PROX1: variants seen among roughly 807,000 people sequenced by gnomAD.
The protein encoded by PROX1 is prospero homeobox protein 1.
In PROX1, 7 loss-of-function variants were observed where a neutral mutation model predicts 58.8. The observed-to-expected ratio is 0.12, with a 90% CI of 0.07 to 0.22. PROX1 has a LOEUF of 0.22. PROX1 is among the 10% of genes least tolerant of loss of function. The probability of loss-of-function intolerance (pLI) is 1.00; values close to 1 mark genes in which losing one functional copy is unlikely to be tolerated. For synonymous variants in PROX1, 350 were observed against 358.3 expected (o/e 0.98, Z 0.26); for missense variants, 675 against 927.8 (o/e 0.73, Z 3.54).
At position 214,039,089 on chromosome 1, in the gene PROX1, C is replaced by A. The variant is rs1325179472; in HGVS notation, c.*3255C>A. 6.6e-6 allele frequency: 1 copy of A among 152,142 alleles called. No individual in the cohort carries two copies. Among genetic ancestry groups the A allele is most frequent in the Admixed American group, 6.5e-5 (1 of 15,272 alleles). The allele number at this position is 152,142 out of a possible 1,614,324, so 9.4% of individuals were successfully genotyped here. A position where few individuals can be genotyped will look rare whatever the true frequency, so the allele number is the denominator to read the frequency against. On this transcript the variant is annotated 3_prime_UTR_variant, in exon 5 of 5. Transcript: ENST00000366958. ...ACATAAAATCACATACACACATATA[C>A]ACACATGTAAAAATATACATATATA...
At chr1:214,004,014 C>CT (rs1447961629) in intron 2 of PROX1, among the ~76,000 whole-genome samples, 17 of 151,872 alleles carry the variant, frequency 1.1e-4, no homozygotes, top group Non-Finnish European at 2.4e-4. Context: ...ACTTTCTTTT[C>CT]TTTTTTTTCT....
rs1473127288 is a variant in PROX1, at chr1:214,039,000, A to C, written c.*3166A>C. On this transcript the variant is annotated 3_prime_UTR_variant, in exon 5 of 5. Transcript: ENST00000366958. ...GCAAATCTTGTGTTTTCTTAGCCTA[A>C]TGAAAAGTAGTATAGAAGCAATATT... 2 of 152,192 alleles carry C rather than the reference A, an allele frequency of 1.3e-5. No homozygotes were observed. The highest frequency in any genetic ancestry group is 6.5e-5 in the Admixed American group (1 of 15,282). The allele number at this position is 152,192 out of a possible 1,614,324, so 9.4% of individuals were successfully genotyped here.
In PROX1 at chr1:214,039,087, T is replaced by C. The variant is rs1228209261; in HGVS notation, c.*3253T>C. On this transcript the variant is annotated 3_prime_UTR_variant, in exon 5 of 5. Transcript: ENST00000366958. ...GAACATAAAATCACATACACACATA[T>C]ACACACATGTAAAAATATACATATA... 2 of 152,210 alleles carry C rather than the reference T, an allele frequency of 1.3e-5. No individual in the cohort carries two copies. The highest frequency in any genetic ancestry group is 2.9e-5 in the Non-Finnish European group (2 of 68,030). The allele number at this position is 152,210 out of a possible 1,614,324, so 9.4% of individuals were successfully genotyped here. A position where few individuals can be genotyped will look rare whatever the true frequency, so the allele number is the denominator to read the frequency against.
At chr1:214,033,789 A>G (rs1664741618) in intron 4 of PROX1, among the ~76,000 whole-genome samples, 1 of 152,078 alleles carries the variant, frequency 6.6e-6, no homozygotes, top group Non-Finnish European at 1.5e-5. Flanking sequence ...GCTAGAAAAG[A>G]TTGCTTCACG....
intron 3 of PROX1, among the ~76,000 whole-genome samples, chr1:214,008,308 G>T (rs1271236922): frequency 6.6e-6 from 1 of 151,978 alleles, no homozygotes; most frequent in African/African-American, 2.4e-5. Context: ...GCCTGCCTTG[G>T]CGTCCCAAAG....
At chr1:214,006,059 T>C (rs187931219) in intron 3 of PROX1, among the ~76,000 whole-genome samples, 266 of 152,222 alleles carry the variant, frequency 1.7e-3, no homozygotes, top group African/African-American at 6.2e-3. Flanking sequence ...AGATTGGGTT[T>C]TGATGATGAT....
intron 4 of PROX1, among the ~76,000 whole-genome samples, chr1:214,014,293 AAAATGAACCTAT>A (rs1306250063): frequency 3.3e-5 from 5 of 152,246 alleles, no homozygotes; most frequent in Non-Finnish European, 5.9e-5. Context: ...AAGGTCAAGT[AAAATGAACCTAT>A]AGTTTAAGTA....
At chr1:214,018,267 A>C (rs947463944) in intron 4 of PROX1, among the ~76,000 whole-genome samples, 1 of 152,228 alleles carries the variant, frequency 6.6e-6, no homozygotes, top group South Asian at 2.1e-4. Flanking sequence ...TTTAATGACT[A>C]TTCACTCACT....
intron 4 of PROX1, among the ~76,000 whole-genome samples, chr1:214,014,514 G>A (rs959356952): frequency 2.0e-5 from 3 of 152,168 alleles, no homozygotes; most frequent in African/African-American, 4.8e-5. Flanking sequence ...TCAATCAATT[G>A]TTGGGAACAA....
intron 4 of PROX1, among the ~76,000 whole-genome samples, chr1:214,032,959 C>A (rs2102781951): frequency 6.6e-6 from 1 of 152,262 alleles, no homozygotes; most frequent in Non-Finnish European, 1.5e-5. Context: ...TGCATACAAC[C>A]CCCAAAGAAG....
intron 4 of PROX1, among the ~76,000 whole-genome samples, chr1:214,028,343 A>G (rs1227168691): frequency 6.6e-6 from 1 of 152,160 alleles, no homozygotes; most frequent in Non-Finnish European, 1.5e-5. Flanking sequence ...AATACACAAA[A>G]CCTAATCTCT....
In PROX1 at chr1:214,039,964, A is replaced by T. The variant is rs1664960020; in HGVS notation, c.*4130A>T. ...TGAAAGAAGCAGTGTATATGTGAAG[A>T]CAGTGCAAAAATCTCTTTGCCATGT... is the stretch of plus-strand genomic sequence containing the variant. On this transcript the variant is annotated 3_prime_UTR_variant, in exon 5 of 5. Transcript: ENST00000366958. 6.6e-6 allele frequency: 1 copy of T among 152,234 alleles called. No homozygotes were observed. Among genetic ancestry groups the T allele is most frequent in the Admixed American group, 6.5e-5 (1 of 15,274 alleles). 9.4% of individuals were successfully genotyped at this position (152,234 alleles called of 1,614,324 possible). A position where few individuals can be genotyped will look rare whatever the true frequency, so the allele number is the denominator to read the frequency against.
At position 213,996,861 on chromosome 1, in the gene PROX1, CCA is replaced by C; in HGVS notation, c.327_328del (p.Ser110PhefsTer8). ...ATGAACAAAAATGGTGGCACGGAGC[CCA>C]GTTTCCAAGCCAGCGGTCTCTCTAG... On this transcript the variant is annotated frameshift_variant, in exon 2 of 5. Transcript: ENST00000366958. LOFTEE classifies it high-confidence loss of function. 1.2e-6 allele frequency: 2 copies of C among 1,614,002 alleles called. No homozygotes were observed. Among genetic ancestry groups the C allele is most frequent in the Non-Finnish European group, 1.7e-6 (2 of 1,180,018 alleles).
intron 2 of PROX1, among the ~76,000 whole-genome samples, chr1:214,004,825 A>C (rs1369488377): frequency 6.6e-6 from 1 of 152,208 alleles, no homozygotes; most frequent in African/African-American, 2.4e-5. Flanking sequence ...TGTGTAGTAC[A>C]TGTTGGGTGC....
In PROX1 at chr1:214,036,814, T is replaced by TAA. The variant is rs1366779682; in HGVS notation, c.*983_*984dup. On this transcript the variant is annotated 3_prime_UTR_variant, in exon 5 of 5. Transcript: ENST00000366958. ...AATAAAGGAAAGCCCAACTTGGCCA[T>TAA]AAAATTCTTGCCTACACTAGAAGTT... 3.3e-5 allele frequency: 5 copies of TAA among 152,220 alleles called. No individual in the cohort carries two copies. The highest frequency in any genetic ancestry group is 1.2e-4 in the African/African-American group (5 of 41,468). The allele number at this position is 152,220 out of a possible 1,614,324, so 9.4% of individuals were successfully genotyped here.
upstream of PROX1, chr1:213,983,740 G>A (rs1483858333): frequency 1.3e-5 from 2 of 152,246 alleles, no homozygotes; most frequent in Non-Finnish European, 2.9e-5. Context: ...CTCAGCCTTT[G>A]GGTTTCCAGC....
rs1300973668 is a variant in PROX1, at chr1:213,997,339, T to C, written c.804T>C (p.Asn268=). 2.2e-5 allele frequency: 36 copies of C among 1,613,594 alleles called. No individual in the cohort carries two copies. The highest frequency in any genetic ancestry group is 2.9e-5 in the Non-Finnish European group (34 of 1,179,974). ...YQIYDSTDSE[N]DEDGNLSEDS... is the part of the protein sequence containing the mutation. ...TCTATGACAGCACTGATTCGGAAAATGATGAAGATGGTAACCTGTCTGAAG... is the reference window on the plus strand; with the variant it reads ...TCTATGACAGCACTGATTCGGAAAACGATGAAGATGGTAACCTGTCTGAAG... Residue 268 remains asparagine (N), a synonymous_variant, in exon 2 of 5, where the codon AAT becomes AAC. Transcript: ENST00000366958. This position sits in a 1 kb window ranked among gnomAD's most constrained non-coding sequence, Gnocchi z 7.1.
chr1:214,003,976 T>TGTGTGTGTGTGTGTG (rs11399035), intron 2 of PROX1, among the ~76,000 whole-genome samples: 2 of 151,978 alleles, frequency 1.3e-5, no homozygotes, highest in African/African-American at 4.8e-5. Context: ...GTGAGTGTGT[T>TGTGTGTGTGTGTGTG]TGTGTGTGTG....
chr1:214,011,475 A>C (rs1424550551), intron 3 of PROX1, 46 bp from the exon 4 acceptor site: 1 of 1,488,948 alleles, frequency 6.7e-7, no homozygotes, highest in Non-Finnish European at 9.2e-7. Context: ...AAATAAATGA[A>C]GAAAATGGCA....
Sources: gnomAD v4.1 joint callset for allele counts (sites outside exome capture counted in the v4.1 genomes callset) on GRCh38, gnomAD v4.1.1 for gene constraint, Gnocchi (gnomAD v3.1) non-coding constraint, MANE v1.5 for transcripts, NCBI Gene and HGNC (gene_info 2026-07-23, HGNC 2026-07-21) for gene names.